DQX1: variants seen among roughly 807,000 people sequenced by gnomAD.
The protein encoded by DQX1 is ATP-dependent RNA helicase homolog DQX1.
In DQX1, 66 loss-of-function variants were observed where a neutral mutation model predicts 81.3. The ratio of observed to expected loss-of-function variants is 0.81; its 90% CI spans 0.67 to 1.00. The LOEUF (loss-of-function observed/expected upper bound fraction) is 1.00. Ranked by LOEUF, DQX1 falls within the 50% of genes least tolerant of loss-of-function variation. The pLI is 0.00. For synonymous variants in DQX1, 290 were observed against 350.0 expected (o/e 0.83, Z 1.91); for missense variants, 798 against 867.9 (o/e 0.92, Z 1.01).
chr2:74,522,606 A>C lies in DQX1; in HGVS notation c.1469T>G (p.Met490Arg). ...TGTGAGCATGGCAGCCAGGGTGAGC[A>C]TCTCGTCCACACAGTCAAACTCGCA... ...ASCEFDCVDE[M>R]LTLAAMLTAA... Residue 490 changes from methionine (M) to arginine (R), a missense_variant, in exon 8 of 12, where the codon ATG (methionine) becomes AGG (arginine). Physicochemically the swap from Met to Arg is moderately conservative, Grantham distance 91. Transcript: ENST00000404568. 1.2e-6 allele frequency: 2 copies of C among 1,614,022 alleles called. No individual in the cohort carries two copies. Among genetic ancestry groups the C allele is most frequent in the Non-Finnish European group, 8.5e-7 (1 of 1,179,958 alleles).
At chr2:74,524,986 G>A in intron 3 of DQX1, 23 bp downstream of exon 3, 1 of 1,600,250 alleles carries the variant, frequency 6.2e-7, no homozygotes, top group Non-Finnish European at 8.5e-7. Flanking sequence ...TTATATTCGG[G>A]TAAGGCCTGC....
rs149002621 is a variant in DQX1 at position 74,518,544 on chromosome 2, C to T, written c.2056G>A (p.Asp686Asn). 209 of 1,614,188 alleles carry T rather than the reference C, an allele frequency of 1.3e-4. 1 individual carries two copies. Among genetic ancestry groups the T allele is most frequent in the Admixed American group, 1.0e-3 (62 of 60,022 alleles). The change falls in exon 12 of 12, where the codon GAC becomes AAC. Residue 686 changes from aspartate (D) to asparagine (N), a missense_variant. Physicochemically the swap from Asp to Asn is conservative, Grantham distance 23. Coordinates refer to ENST00000404568, the MANE Select transcript of DQX1 (RefSeq NM_133637.3). The stretch of plus-strand genomic sequence containing the variant: ...CCTTCCCTTAGCTGGTTCAGAAGGT[C>T]TCTGCTCTCACTGGGAGGCAAGTTA... ...LSNLPPSESRDLLNQLREGMA... is the reference protein window; with the variant it reads ...LSNLPPSESRNLLNQLREGMA...
In DQX1 at chr2:74,524,077, A is replaced by C. The variant is rs777974142; in HGVS notation, c.662T>G (p.Ile221Ser). The C allele has an allele frequency of 6.2e-7, 1 of 1,614,044 alleles. No homozygotes were observed. The highest frequency in any genetic ancestry group is 1.7e-5 in the Admixed American group (1 of 60,000). Residue 221 changes from isoleucine (I) to serine (S), a missense_variant, in exon 4 of 12, where the codon ATT (isoleucine) becomes AGT (serine). Ile to Ser is a moderately radical substitution (Grantham distance 142). Coordinates refer to ENST00000404568, the MANE Select transcript of DQX1 (RefSeq NM_133637.3). The stretch of plus-strand genomic sequence containing the variant: ...ACCAGGCTCTCTGGGTATATGCACA[A>C]TAGGAGGATTGCCCCAGAAAGCTCG... The part of the protein sequence containing the change: ...KLRAFWGNPP[I>S]VHIPREPGER...
chr2:74,520,708 C>T (rs575184015), intron 8 of DQX1, among the ~76,000 whole-genome samples: 1 of 152,198 alleles, frequency 6.6e-6, no homozygotes, highest in East Asian at 1.9e-4. Flanking sequence ...GGGTCTCACT[C>T]TCTTGCCCAG....
At chr2:74,523,578 G>T in intron 4 of DQX1, 41 bp from the exon 5 acceptor site, 1 of 1,576,868 alleles carries the variant, frequency 6.3e-7, no homozygotes, top group Non-Finnish European at 8.7e-7. Flanking sequence ...CAGTTCTCAC[G>T]TTTTTTGGGG....
rs750187267 is a variant in DQX1 at position 74,525,686 on chromosome 2, C to T, written c.44G>A (p.Ser15Asn). ...PLRLAEEYGP[S>N]PGESELAVNP... ...CACAGCCAGTTCAGACTCCCCAGGACTTGGGCCATACTCTTCTGCTAGCCT... is the reference window on the plus strand; with the variant it reads ...CACAGCCAGTTCAGACTCCCCAGGATTTGGGCCATACTCTTCTGCTAGCCT... Residue 15 changes from serine to asparagine, a missense_variant, in exon 2 of 12, where the codon AGT (serine) becomes AAT (asparagine). Coordinates refer to ENST00000404568, the MANE Select transcript of DQX1 (RefSeq NM_133637.3). This position sits in a 1 kb window ranked among gnomAD's most constrained non-coding sequence, Gnocchi z 4.1. 21 of 1,551,638 alleles carry T rather than the reference C, an allele frequency of 1.4e-5. No homozygotes were observed. Among genetic ancestry groups the T allele is most frequent in the African/African-American group, 1.4e-5 (1 of 73,064 alleles).
At position 74,523,034 on chromosome 2, in the gene DQX1, G is replaced by C; in HGVS notation, c.1145-20C>G. ...AGGATCCTGAGGGGAAAAAGACCTG[G>C]GAAAGAAGACCACTGTAGATTTCTC... On this transcript the variant is annotated intron_variant, in intron 6 of 11. Transcript: ENST00000404568. 6.2e-7 allele frequency: 1 copy of C among 1,613,944 alleles called. No homozygotes were observed. Among genetic ancestry groups the C allele is most frequent in the Middle Eastern group, 1.6e-4 (1 of 6,062 alleles).
At chr2:74,521,054 C>T (rs901170283) in intron 8 of DQX1, among the ~76,000 whole-genome samples, 5 of 152,174 alleles carry the variant, frequency 3.3e-5, no homozygotes, top group African/African-American at 1.2e-4. Context: ...GGAAAACCAG[C>T]TGAGCAATGA....
At chr2:74,519,264 T>A in intron 10 of DQX1, 34 bp from the exon 11 acceptor site, 2 of 1,525,922 alleles carry the variant, frequency 1.3e-6, no homozygotes, top group Non-Finnish European at 1.8e-6. Context: ...ACGGAATAAA[T>A]AAAAGGGAAG....
rs1675111795 is a variant in DQX1 at position 74,524,121 on chromosome 2, TG to T, written c.617del (p.Pro206GlnfsTer60). The T allele has an allele frequency of 6.2e-7, 1 of 1,614,202 alleles. No homozygotes were observed. Among genetic ancestry groups the T allele is most frequent in the Non-Finnish European group, 8.5e-7 (1 of 1,180,034 alleles). ...GDLRVVVVTDPALEPKLRAFW... is the reference protein window; with the variant it reads ...GDLRVVVVTDXALEPKLRAFW... ...AAGCTCGGAGCTTAGGTTCAAGGGC[TG>T]GGTCAGTAACCACAACCACTCTGAG... On this transcript the variant is annotated frameshift_variant, in exon 4 of 12. Coordinates refer to ENST00000404568, the MANE Select transcript of DQX1 (RefSeq NM_133637.3). LOFTEE classifies it high-confidence loss of function.
chr2:74,518,640 C>G, intron 11 of DQX1, 38 bp from the exon 12 acceptor site: 1 of 1,583,080 alleles, frequency 6.3e-7, no homozygotes, highest in South Asian at 1.1e-5. Flanking sequence ...TCTGCATCTT[C>G]TCTCTCTCTG....
chr2:74,522,283 G>C (rs1008277078), intron 8 of DQX1, among the ~76,000 whole-genome samples: 11 of 152,214 alleles, frequency 7.2e-5, no homozygotes, highest in African/African-American at 2.7e-4. Flanking sequence ...ACACCAGTTA[G>C]AACAGGATAG....
In DQX1 at chr2:74,519,399, C is replaced by T. The variant is rs531675027; in HGVS notation, c.1806+157G>A. Among the ~76,000 whole-genome samples, 5 of 152,294 alleles carry T rather than the reference C, an allele frequency of 3.3e-5. No individual in the cohort carries two copies. The South Asian group carries it at 1.0e-3, about 32-fold the overall frequency. On this transcript the variant is annotated intron_variant, in intron 10 of 11. Transcript: ENST00000404568. ...CTATACCTCATGGCATTTACCATAG[C>T]CCCTTGTACCTCAAATCCTCAAGGG... is the stretch of plus-strand genomic sequence containing the variant.
Position 74,522,453 on chromosome 2 carries a change from T to C in DQX1, c.1495+127A>G. 2.6e-6 allele frequency: 3 copies of C among 1,152,714 alleles called. No individual in the cohort carries two copies. The Admixed American group carries it at 7.8e-5, about 30-fold the overall frequency. 71.4% of individuals were successfully genotyped at this position (1,152,714 alleles called of 1,614,324 possible). On this transcript the variant is annotated intron_variant, in intron 8 of 11. Coordinates refer to ENST00000404568, the MANE Select transcript of DQX1 (RefSeq NM_133637.3). ...GAGGGAGATGGGTGACTAAGCCTGG[T>C]TCTTTAGGCATTGTGAGGGGTGGCA...
In DQX1 at chr2:74,525,654, A is replaced by G. The variant is rs1461162233; in HGVS notation, c.76T>C (p.Phe26Leu). 26 of 1,551,776 alleles carry G rather than the reference A, an allele frequency of 1.7e-5. No individual in the cohort carries two copies. Among genetic ancestry groups the G allele is most frequent in the Non-Finnish European group, 2.2e-5 (25 of 1,147,014 alleles). Reference sequence around the variant, plus strand: ...CGGGAAGAGAAGGGAAGCCCATCAAAGGGGTTCACAGCCAGTTCAGACTCC... The same window carrying G: ...CGGGAAGAGAAGGGAAGCCCATCAAGGGGGTTCACAGCCAGTTCAGACTCC... The part of the protein sequence containing the change: ...PGESELAVNP[F>L]DGLPFSSRYY... Residue 26 changes from phenylalanine to leucine, a missense_variant, in exon 2 of 12, where the codon TTT (phenylalanine) becomes CTT (leucine). Transcript: ENST00000404568. This position sits in a 1 kb window ranked among gnomAD's most constrained non-coding sequence, Gnocchi z 4.1.
chr2:74,524,920 G>C, intron 3 of DQX1, 89 bp downstream of exon 3: 1 of 1,435,384 alleles, frequency 7.0e-7, no homozygotes, highest in Non-Finnish European at 9.5e-7. Flanking sequence ...GTTGGGCTAA[G>C]GGAGGGTATG....
At position 74,524,255 on chromosome 2, in the gene DQX1, C is replaced by G. The variant is rs1315573140; in HGVS notation, c.484G>C (p.Gly162Arg). The change falls in exon 4 of 12, where the codon GGA becomes CGA. Residue 162 changes from glycine (G) to arginine (R), a missense_variant. Gly to Arg is a moderately radical substitution (Grantham distance 125). Transcript: ENST00000404568. ...TCTAGTACCAGCACGCCCCAGGCTC[C>G]AGTGCCTCGGGTCGAGGCCACCTCC... ...LQEVASTRGT[G>R]AWGVLVLDEA... is the part of the protein sequence containing the mutation. 7 of 1,614,058 alleles carry G rather than the reference C, an allele frequency of 4.3e-6. No homozygotes were observed. Among genetic ancestry groups the G allele is most frequent in the Non-Finnish European group, 5.1e-6 (6 of 1,180,018 alleles).
At position 74,518,226 on chromosome 2, in the gene DQX1, A is replaced by G. The variant is rs1343040756; in HGVS notation, c.*220T>C. On this transcript the variant is annotated 3_prime_UTR_variant, in exon 12 of 12. Coordinates refer to ENST00000404568, the MANE Select transcript of DQX1 (RefSeq NM_133637.3). ...TGAGGAGCATGTCAGTCCCTCTCCA[A>G]TCAATAAGAGAAGGCTAAGGAAAGA... is the stretch of plus-strand genomic sequence containing the variant. 1 of 508,298 alleles carries G rather than the reference A, an allele frequency of 2.0e-6. No individual in the cohort carries two copies. Among genetic ancestry groups the G allele is most frequent in the Non-Finnish European group, 3.4e-6 (1 of 292,866 alleles). 31.5% of individuals were successfully genotyped at this position (508,298 alleles called of 1,614,324 possible).
In DQX1 at chr2:74,519,979, C is replaced by T; in HGVS notation, c.1551G>A (p.Arg517=). Residue 517 remains arginine (R), a synonymous_variant, in exon 9 of 12, where the codon CGG becomes CGA. Transcript: ENST00000404568. Reference sequence around the variant, plus strand: ...GGTCACCATCCGTGTGTTCCAGGGCCCGACGCAGGGCAGCTTCTTCTGCAC... The same window carrying T: ...GGTCACCATCCGTGTGTTCCAGGGCTCGACGCAGGGCAGCTTCTTCTGCAC... The part of the protein sequence containing the change: ...PLSAEEAALR[R]ALEHTDGDHS... 1 of 1,614,152 alleles carries T rather than the reference C, an allele frequency of 6.2e-7. No homozygotes were observed. The highest frequency in any genetic ancestry group is 8.5e-7 in the Non-Finnish European group (1 of 1,180,030).
Sources: gnomAD v4.1 joint callset for allele counts (sites outside exome capture counted in the v4.1 genomes callset) on GRCh38, gnomAD v4.1.1 for gene constraint, Gnocchi (gnomAD v3.1) non-coding constraint, MANE v1.5 for transcripts, NCBI Gene and HGNC (gene_info 2026-07-23, HGNC 2026-07-21) for gene names.